Variants in FHIT observed in about 807,000 individuals in gnomAD.
FHIT encodes the protein fragile histidine triad diadenosine triphosphatase, also known as bis(5'-adenosyl)-triphosphatase.
In FHIT, 19 loss-of-function variants were observed where a neutral mutation model predicts 17.9. The ratio of observed to expected loss-of-function variants is 1.06; its 90% CI spans 0.74 to 1.56. FHIT has a LOEUF of 1.56. FHIT is among the 40% of genes most tolerant of loss of function. The pLI is 0.00. For missense variants in FHIT, 248 were observed against 189.2 expected (o/e 1.31, Z -1.82); for synonymous variants, 81 against 69.7 (o/e 1.16, Z -0.81).
intron 4 of FHIT, among the ~76,000 whole-genome samples, chr3:60,619,621 A>G (rs2039059985): frequency 6.9e-6 from 1 of 145,348 alleles, no homozygotes; most frequent in Non-Finnish European, 1.5e-5. Flanking sequence ...AAAAAAAAAA[A>G]AAAAAAGAAT....
intron 5 of FHIT, among the ~76,000 whole-genome samples, chr3:60,055,720 T>C (rs1702055194): frequency 6.6e-6 from 1 of 152,168 alleles, no homozygotes; most frequent in Non-Finnish European, 1.5e-5. Flanking sequence ...CACCATTTTA[T>C]AGGGATGCAA....
intron 5 of FHIT, among the ~76,000 whole-genome samples, chr3:60,155,880 C>A (rs550945452): frequency 1.3e-5 from 2 of 152,252 alleles, no homozygotes; most frequent in South Asian, 4.1e-4. Context: ...TTTAGACTCC[C>A]TCTCTCTCAG....
At chr3:60,290,361 T>C (rs1160935301) in intron 5 of FHIT, among the ~76,000 whole-genome samples, 2 of 152,056 alleles carry the variant, frequency 1.3e-5, no homozygotes, top group African/African-American at 4.8e-5. Flanking sequence ...CAAATAGAAA[T>C]GTGATTTGTT....
At chr3:60,242,474 G>C (rs1026554326) in intron 5 of FHIT, among the ~76,000 whole-genome samples, 4 of 151,858 alleles carry the variant, frequency 2.6e-5, no homozygotes, top group African/African-American at 7.3e-5. Flanking sequence ...ATGTATGTTT[G>C]CTTCTCCCCA....
At chr3:61,159,278 T>G (rs2037620624) in intron 2 of FHIT, among the ~76,000 whole-genome samples, 1 of 152,178 alleles carries the variant, frequency 6.6e-6, no homozygotes, top group African/African-American at 2.4e-5. Flanking sequence ...GTCTCATGGC[T>G]GAAAATAGGT....
chr3:59,846,670 C>T (rs1383444697), intron 8 of FHIT, among the ~76,000 whole-genome samples: 1 of 152,006 alleles, frequency 6.6e-6, no homozygotes, highest in African/African-American at 2.4e-5. Context: ...ATACAAAGAC[C>T]TTTATTTCTT....
At chr3:59,976,323 G>T (rs577408194) in intron 7 of FHIT, among the ~76,000 whole-genome samples, 3 of 151,978 alleles carry the variant, frequency 2.0e-5, no homozygotes, top group African/African-American at 4.8e-5. Flanking sequence ...AAAAATACCC[G>T]CTAAAGGAAG....
chr3:60,505,891 G>C (rs1353515725), intron 5 of FHIT, among the ~76,000 whole-genome samples: 2 of 152,102 alleles, frequency 1.3e-5, no homozygotes, highest in Non-Finnish European at 2.9e-5. Flanking sequence ...TAATAAGCTT[G>C]AATTTGGTAA....
chr3:61,069,063 T>G (rs936698525), intron 2 of FHIT, among the ~76,000 whole-genome samples: 9 of 152,106 alleles, frequency 5.9e-5, no homozygotes, highest in Admixed American at 4.6e-4. Flanking sequence ...AATAGAGAAT[T>G]CTACTAGAAT....
intron 7 of FHIT, among the ~76,000 whole-genome samples, chr3:59,955,939 T>C (rs899445959): frequency 2.0e-5 from 3 of 152,182 alleles, no homozygotes; most frequent in Non-Finnish European, 4.4e-5. Context: ...ATGAAACTGA[T>C]CCCAGTACTC....
chr3:59,824,989 G>A (rs1700925684), intron 8 of FHIT, among the ~76,000 whole-genome samples: 1 of 152,130 alleles, frequency 6.6e-6, no homozygotes, highest in African/African-American at 2.4e-5. Flanking sequence ...CTGCAAAGAG[G>A]TTTTCAAAGG....
Position 60,693,987 on chromosome 3 carries a change from T to C in FHIT, c.-18+127932A>G, listed in dbSNP as rs144663115. Among the ~76,000 whole-genome samples, 634 of 152,340 alleles carry C rather than the reference T, an allele frequency of 4.2e-3. 4 individuals are homozygous for C. The highest frequency in any genetic ancestry group is 6.9e-3 in the Non-Finnish European group (468 of 68,034). ...CATCAAACTGGATGAAGACTTTTTATTCCCAGCAGGATTAAGTCAAAACAT... is the reference window on the plus strand; with the variant it reads ...CATCAAACTGGATGAAGACTTTTTACTCCCAGCAGGATTAAGTCAAAACAT... On this transcript the variant is annotated intron_variant, in intron 4 of 9. Coordinates refer to ENST00000492590, the MANE Select transcript of FHIT (RefSeq NM_002012.4).
intron 5 of FHIT, among the ~76,000 whole-genome samples, chr3:60,319,450 G>GA (rs1265020859): frequency 0.028 from 3,951 of 139,386 alleles, 152 homozygotes; most frequent in African/African-American, 0.091. Flanking sequence ...GTTTTTAAGG[G>GA]AAAAAAAAAA....
At chr3:60,045,003 C>T (rs1244474688) in intron 5 of FHIT, among the ~76,000 whole-genome samples, 7 of 151,998 alleles carry the variant, frequency 4.6e-5, no homozygotes, top group Admixed American at 2.6e-4. Context: ...GTCTTACGTA[C>T]CTTCTTTTGC....
chr3:59,831,427 C>A (rs916651347), intron 8 of FHIT, among the ~76,000 whole-genome samples: 1 of 152,058 alleles, frequency 6.6e-6, no homozygotes, highest in African/African-American at 2.4e-5. Flanking sequence ...AATGAAGACA[C>A]TGAGTCTTAG....
In FHIT at chr3:60,041,298, T is replaced by C. The variant is rs116717014; in HGVS notation, c.104-27146A>G. Among the ~76,000 whole-genome samples, 1,260 of 152,284 alleles carry C rather than the reference T, an allele frequency of 8.3e-3. 16 individuals carry two copies. The highest frequency in any genetic ancestry group is 0.028 in the African/African-American group (1,175 of 41,552). On this transcript the variant is annotated intron_variant, in intron 5 of 9. Coordinates refer to ENST00000492590, the MANE Select transcript of FHIT (RefSeq NM_002012.4). ...GCATTTGCTGCCTTGATAATGACCTTTGAGGAGAGGAAACCAACTCAGAAG... is the reference window on the plus strand; with the variant it reads ...GCATTTGCTGCCTTGATAATGACCTCTGAGGAGAGGAAACCAACTCAGAAG...
intron 5 of FHIT, among the ~76,000 whole-genome samples, chr3:60,464,106 T>C (rs980362113): frequency 1.3e-5 from 2 of 152,108 alleles, no homozygotes; most frequent in Admixed American, 6.6e-5. Flanking sequence ...AAAACCACCA[T>C]AGCAACACTA....
At chr3:60,867,273 T>C (rs1283196064) in intron 3 of FHIT, among the ~76,000 whole-genome samples, 1 of 152,186 alleles carries the variant, frequency 6.6e-6, no homozygotes, top group Non-Finnish European at 1.5e-5. Context: ...CTATGGGTAA[T>C]GCAAAAAATA....
chr3:60,046,283 A>G (rs1701649719), intron 5 of FHIT, among the ~76,000 whole-genome samples: 1 of 152,218 alleles, frequency 6.6e-6, no homozygotes, highest in Admixed American at 6.5e-5. Flanking sequence ...TGTTGAATTT[A>G]GGCAAACATA....
Sources: gnomAD v4.1 joint callset for allele counts (sites outside exome capture counted in the v4.1 genomes callset) on GRCh38, gnomAD v4.1.1 for gene constraint, MANE v1.5 for transcripts, NCBI Gene and HGNC (gene_info 2026-07-23, HGNC 2026-07-21) for gene names.